LDLRAD4: variants seen among roughly 807,000 people sequenced by gnomAD.
LDLRAD4 encodes low-density lipoprotein receptor class A domain-containing protein 4.
A neutral mutation model predicts 17.0 loss-of-function variants in LDLRAD4; 5 were observed. The ratio of observed to expected loss-of-function variants is 0.29; its 90% confidence interval spans 0.15 to 0.62. LDLRAD4 has a LOEUF of 0.62. LDLRAD4 is among the 20% of genes least tolerant of loss of function. The pLI is 0.84. For missense variants in LDLRAD4, 340 were observed against 424.7 expected (o/e 0.80, Z 1.75); for synonymous variants, 168 against 171.8 (o/e 0.98, Z 0.17).
chr18:13,528,977 C>G (rs2094082202), intron 3 of LDLRAD4, among the ~76,000 whole-genome samples: 1 of 152,252 alleles, frequency 6.6e-6, no homozygotes, highest in South Asian at 2.1e-4. Flanking sequence ...AGATCCTCGG[C>G]CGTGGTTCTA....
At position 13,645,244 on chromosome 18, in the gene LDLRAD4, C is replaced by T; in HGVS notation, c.508C>T (p.Pro170Ser). Residue 170 changes from proline to serine, a missense_variant, in exon 6 of 6, where the codon CCC becomes TCC. Coordinates refer to ENST00000359446, the Ensembl canonical transcript of LDLRAD4. This position sits in a 1 kb window ranked among gnomAD's most constrained non-coding sequence, Gnocchi z 5.7. ...TGTGCAGCACGAGATTGATCTTCCT[C>T]CCACCATCTCCCTGTCCGACGGTGA... is the stretch of plus-strand genomic sequence containing the variant. 1 of 1,614,148 alleles carries T rather than the reference C, an allele frequency of 6.2e-7. No individual in the cohort carries two copies. Among genetic ancestry groups the T allele is most frequent in the Non-Finnish European group, 8.5e-7 (1 of 1,180,010 alleles).
At chr18:13,327,576 T>C (rs1364611239) in intron 1 of LDLRAD4, among the ~76,000 whole-genome samples, 2 of 151,918 alleles carry the variant, frequency 1.3e-5, no homozygotes, top group Admixed American at 6.6e-5. Flanking sequence ...ATATGGTGCG[T>C]GTATTTTTTT....
At chr18:13,583,410 C>T (rs1267979562) in intron 3 of LDLRAD4, among the ~76,000 whole-genome samples, 4 of 152,036 alleles carry the variant, frequency 2.6e-5, no homozygotes, top group African/African-American at 9.6e-5. Context: ...GTTACCGAGA[C>T]CTAGGGGAGG....
At chr18:13,249,056 C>T (rs193199616) in intron 1 of LDLRAD4, among the ~76,000 whole-genome samples, 4 of 151,268 alleles carry the variant, frequency 2.6e-5, no homozygotes, top group Middle Eastern at 3.4e-3. Flanking sequence ...CTCTAGTTCC[C>T]TCTATGTTGC....
At chr18:13,484,913 G>A (rs1328597742) in intron 3 of LDLRAD4, among the ~76,000 whole-genome samples, 2 of 152,182 alleles carry the variant, frequency 1.3e-5, no homozygotes, top group African/African-American at 4.8e-5. Flanking sequence ...ATTTAACATG[G>A]TAGACGATCA....
At chr18:13,549,482 G>T (rs1005593690) in intron 3 of LDLRAD4, among the ~76,000 whole-genome samples, 1 of 151,938 alleles carries the variant, frequency 6.6e-6, no homozygotes, top group Non-Finnish European at 1.5e-5. Flanking sequence ...AAGACCAGAC[G>T]GTTCTGTTCA....
At chr18:13,499,317 C>T (rs1345710810) in intron 3 of LDLRAD4, among the ~76,000 whole-genome samples, 8 of 144,632 alleles carry the variant, frequency 5.5e-5, no homozygotes, top group Non-Finnish European at 1.1e-4. Context: ...TACTCACACA[C>T]GTCCCGCCAT....
chr18:13,463,234 C>T (rs1376514864), intron 3 of LDLRAD4, among the ~76,000 whole-genome samples: 1 of 152,180 alleles, frequency 6.6e-6, no homozygotes, highest in Non-Finnish European at 1.5e-5. Flanking sequence ...TGGGTGACAA[C>T]CAGCTGCCAG....
intron 1 of LDLRAD4, among the ~76,000 whole-genome samples, chr18:13,230,189 G>C (rs2042002920): frequency 6.6e-6 from 1 of 152,112 alleles, no homozygotes; most frequent in Non-Finnish European, 1.5e-5. Context: ...TGAAGAATGG[G>C]CCCTCACCAC....
chr18:13,481,077 C>CCAGA (rs2093071082), intron 3 of LDLRAD4, among the ~76,000 whole-genome samples: 1 of 152,206 alleles, frequency 6.6e-6, no homozygotes, highest in African/African-American at 2.4e-5. Context: ...GACATGCATG[C>CCAGA]CAGACAGACA....
chr18:13,226,546 A>C (rs2041815762), intron 1 of LDLRAD4, among the ~76,000 whole-genome samples: 1 of 151,906 alleles, frequency 6.6e-6, no homozygotes, highest in Non-Finnish European at 1.5e-5. Context: ...ATGACGTTTA[A>C]ATTTTCTTTC....
chr18:13,325,862 C>T (rs997515444), intron 1 of LDLRAD4, among the ~76,000 whole-genome samples: 2 of 152,046 alleles, frequency 1.3e-5, no homozygotes, highest in African/African-American at 4.8e-5. Context: ...ACGCCATTCT[C>T]CTGCCTCAGC....
Position 13,643,418 on chromosome 18 carries a change from G to A in LDLRAD4, c.390+6G>A. 9.3e-7 allele frequency: 1 copy of A among 1,077,022 alleles called. No individual in the cohort carries two copies. The allele number at this position is 1,077,022 out of a possible 1,614,324, so 66.7% of individuals were successfully genotyped here. A position where few individuals can be genotyped will look rare whatever the true frequency, so the allele number is the denominator to read the frequency against. On this transcript the variant is annotated splice_donor_region_variant and intron_variant, in intron 5 of 5. Coordinates refer to ENST00000359446, the Ensembl canonical transcript of LDLRAD4. ...CGCGGCTGGGCGCCTCGGAGGTAAG[G>A]GGCCCCAGGAGGTGATGGCTGCGGG...
rs548869369 is a variant in LDLRAD4, at chr18:13,568,513, C to T, written c.182-52604C>T. On this transcript the variant is annotated intron_variant, in intron 3 of 5. Coordinates refer to ENST00000359446, the Ensembl canonical transcript of LDLRAD4. ...GGACCATGGAAGAAGAACTGAAGTC[C>T]AAAATGATACATGCCTCCTTCCTTT... is the stretch of plus-strand genomic sequence containing the variant. Among the ~76,000 whole-genome samples the T allele has an allele frequency of 2.0e-5, 3 of 152,244 alleles. No homozygotes were observed. In the South Asian group the frequency reaches 6.2e-4, roughly 32 times the overall value.
chr18:13,229,644 G>C (rs762011918), intron 1 of LDLRAD4, among the ~76,000 whole-genome samples: 9 of 152,248 alleles, frequency 5.9e-5, no homozygotes, highest in Non-Finnish European at 1.0e-4. Context: ...AAAGGCTTTA[G>C]ATGTGGAGGA....
At chr18:13,282,620 C>T (rs2045350044) in intron 1 of LDLRAD4, among the ~76,000 whole-genome samples, 1 of 152,198 alleles carries the variant, frequency 6.6e-6, no homozygotes, top group Non-Finnish European at 1.5e-5. Flanking sequence ...CCTTGGGCAG[C>T]TCCACTCCTG....
chr18:13,564,675 C>CCCA (rs2094577852), intron 3 of LDLRAD4, among the ~76,000 whole-genome samples: 3 of 143,956 alleles, frequency 2.1e-5, no homozygotes, highest in African/African-American at 7.6e-5. Flanking sequence ...GGTGCGCAGA[C>CCCA]CCACGACCCC....
chr18:13,330,750 G>A (rs532607364), intron 1 of LDLRAD4, among the ~76,000 whole-genome samples: 1 of 152,300 alleles, frequency 6.6e-6, no homozygotes, highest in East Asian at 1.9e-4. Context: ...CCAAGATGGG[G>A]CTGGTCACCA....
At chr18:13,537,454 T>C (rs2094215993) in intron 3 of LDLRAD4, among the ~76,000 whole-genome samples, 4 of 152,290 alleles carry the variant, frequency 2.6e-5, no homozygotes, top group South Asian at 4.1e-4. Context: ...ATAAGGAGCA[T>C]GCAACCTAGA....
Sources: allele counts gnomAD v4.1 joint callset (sites outside exome capture counted in the v4.1 genomes callset), GRCh38; gene constraint gnomAD v4.1.1; non-coding constraint Gnocchi (gnomAD v3.1); transcripts MANE v1.5; gene names NCBI Gene and HGNC (gene_info 2026-07-23, HGNC 2026-07-21).